CDK5RAP3: variants seen among roughly 807,000 people sequenced by gnomAD.
CDK5RAP3 encodes the protein CDK5 regulatory subunit-associated protein 3.
A neutral mutation model predicts 73.3 loss-of-function variants in CDK5RAP3; 58 were observed. The observed-to-expected ratio is 0.79, with a 90% confidence interval of 0.64 to 0.98. The LOEUF (loss-of-function observed/expected upper bound fraction) is 0.98, where lower values mean the gene tolerates loss of function less well. Among genes scored for constraint, CDK5RAP3 ranks in the 50% least tolerant of loss-of-function variants. The probability of loss-of-function intolerance (pLI) is 0.00; values close to 1 mark genes in which losing one functional copy is unlikely to be tolerated. For synonymous variants in CDK5RAP3, 224 were observed against 247.5 expected, an observed-to-expected ratio of 0.91 and a Z score of 0.89; for missense variants, 525 against 615.8, an observed-to-expected ratio of 0.85 and a Z score of 1.56.
chr17:47,978,399 A>C (rs1018346030), intron 10 of CDK5RAP3, among the ~76,000 whole-genome samples: 1 of 151,948 alleles, frequency 6.6e-6, no homozygotes, highest in Non-Finnish European at 1.5e-5. Flanking sequence ...TTGAGAGTTT[A>C]GAAACTCTCA....
In CDK5RAP3 at chr17:47,975,506, C is replaced by T; in HGVS notation, c.514-8C>T. 1 of 1,610,614 alleles carries T rather than the reference C, an allele frequency of 6.2e-7. No individual in the cohort carries two copies. Among genetic ancestry groups the T allele is most frequent in the South Asian group, 1.1e-5 (1 of 91,090 alleles). The stretch of plus-strand genomic sequence containing the variant: ...TCTGTTGGACTCCACCTCTTCTCCC[C>T]TCTCTAGGGCGAAAATGTCCGAGGA... On this transcript the variant is annotated splice_region_variant and splice_polypyrimidine_tract_variant and intron_variant, in intron 6 of 13. Coordinates refer to ENST00000338399, the MANE Select transcript of CDK5RAP3 (RefSeq NM_176096.3).
At chr17:47,978,206 A>C (rs908594604) in intron 10 of CDK5RAP3, among the ~76,000 whole-genome samples, 16 of 151,152 alleles carry the variant, frequency 1.1e-4, no homozygotes, top group African/African-American at 3.7e-4. Context: ...AGTAGCTGGG[A>C]TTACAGGCAT....
chr17:47,970,511 T>C, upstream of CDK5RAP3: 1 of 694,544 alleles, frequency 1.4e-6, no homozygotes, highest in South Asian at 1.7e-5. Context: ...CACCCAGCTA[T>C]CTTCAGCTCT....
At chr17:47,970,890 T>C, upstream of CDK5RAP3, 4 of 1,435,944 alleles carry the variant, frequency 2.8e-6, no homozygotes, top group Non-Finnish European at 3.7e-6. Context: ...TCCCGTCCCC[T>C]GCCCTGAGCC....
chr17:47,977,633 G>A (rs1328445810), intron 9 of CDK5RAP3, among the ~76,000 whole-genome samples, 199 bp from the exon 10 acceptor site: 1 of 152,194 alleles, frequency 6.6e-6, no homozygotes, highest in Non-Finnish European at 1.5e-5. Context: ...ACAGGGTGTA[G>A]GGGTAAAGGC....
At chr17:47,975,422 G>A in intron 6 of CDK5RAP3, 85 bp downstream of exon 6, 3 of 1,607,168 alleles carry the variant, frequency 1.9e-6, no homozygotes, top group Non-Finnish European at 2.6e-6. Flanking sequence ...CCTCAGCCTG[G>A]TTGCACCCCC....
chr17:47,977,775 C>A, intron 9 of CDK5RAP3, 57 bp from the exon 10 acceptor site: 2 of 1,445,554 alleles, frequency 1.4e-6, no homozygotes, highest in Non-Finnish European at 1.9e-6. Flanking sequence ...TTTATTCTGG[C>A]TCCTTGGCTC....
chr17:47,976,332 C>A, intron 8 of CDK5RAP3: 1 of 386,878 alleles, frequency 2.6e-6, no homozygotes, highest in Non-Finnish European at 4.7e-6. Flanking sequence ...CAGCTGAGGC[C>A]TGTGGGAAGG....
intron 2 of CDK5RAP3, among the ~76,000 whole-genome samples, chr17:47,971,962 T>C (rs1293703839): frequency 6.6e-6 from 1 of 151,978 alleles, no homozygotes; most frequent in African/African-American, 2.4e-5. Flanking sequence ...ACTATTGCAC[T>C]CCAGCCTGGG....
chr17:47,978,522 G>C (rs959541527), intron 10 of CDK5RAP3: 1 of 356,778 alleles, frequency 2.8e-6, no homozygotes, highest in Admixed American at 4.2e-5. Flanking sequence ...ACGTAGTGGT[G>C]TCTGAGCCAC....
chr17:47,976,581 C>T (rs2036416896), intron 8 of CDK5RAP3, 131 bp from the exon 9 acceptor site: 2 of 624,684 alleles, frequency 3.2e-6, no homozygotes, highest in African/African-American at 1.8e-5. Context: ...CCAGGCTGGT[C>T]TCAAACTCCT....
intron 11 of CDK5RAP3, 123 bp downstream of exon 11, chr17:47,979,040 A>G (rs2036492435): frequency 1.4e-6 from 1 of 728,184 alleles, no homozygotes; most frequent in African/African-American, 1.7e-5. Flanking sequence ...TGTGTCCTAC[A>G]GCAGGAGCCT....
At chr17:47,970,575 C>A, upstream of CDK5RAP3, 1 of 1,224,716 alleles carries the variant, frequency 8.2e-7, no homozygotes, top group Non-Finnish European at 1.2e-6. Flanking sequence ...GACTCTCTTC[C>A]TTCCCCTTCC....
upstream of CDK5RAP3, chr17:47,971,063 C>G (rs1020371216): frequency 4.5e-6 from 7 of 1,549,866 alleles, no homozygotes; most frequent in Admixed American, 2.0e-5. Flanking sequence ...TGTGTCTAAA[C>G]GGAGGCTCGG....
chr17:47,976,306 G>A (rs1419483153), intron 8 of CDK5RAP3, among the ~76,000 whole-genome samples: 1 of 152,168 alleles, frequency 6.6e-6, no homozygotes, highest in East Asian at 1.9e-4. Context: ...TTTGAACAGT[G>A]TGCTCTCTAC....
At chr17:47,977,492 A>G (rs942607350) in intron 9 of CDK5RAP3, among the ~76,000 whole-genome samples, 1 of 151,920 alleles carries the variant, frequency 6.6e-6, no homozygotes, top group African/African-American at 2.4e-5. Context: ...CGTGTTGGCC[A>G]TGCTGGTAAC....
chr17:47,970,801 C>T, upstream of CDK5RAP3: 3 of 1,454,196 alleles, frequency 2.1e-6, no homozygotes, highest in East Asian at 5.0e-5. Context: ...AGACCCAGTG[C>T]CCGCCAGGGG....
intron 1 of CDK5RAP3, 45 bp downstream of exon 1, chr17:47,971,197 C>A (rs2036252956): frequency 2.6e-6 from 4 of 1,533,178 alleles, no homozygotes; most frequent in Non-Finnish European, 3.5e-6. Context: ...GCCGCGGACC[C>A]CTAACCTGTG....
At chr17:47,977,391 G>A (rs181333207) in intron 9 of CDK5RAP3, among the ~76,000 whole-genome samples, 185 of 151,390 alleles carry the variant, frequency 1.2e-3, no homozygotes, top group African/African-American at 4.4e-3. Context: ...CTCGTGATCC[G>A]CCCGCCTCAG....
Sources: allele counts gnomAD v4.1 joint callset (sites outside exome capture counted in the v4.1 genomes callset), GRCh38; gene constraint gnomAD v4.1.1; transcripts MANE v1.5; gene names NCBI Gene and HGNC (gene_info 2026-07-23, HGNC 2026-07-21).